Variants in NAV2 observed in about 807,000 individuals in gnomAD.
The protein encoded by NAV2 is helicase, APC down-regulated 1.
NAV2 carries 54 observed loss-of-function variants against 223.2 expected under a neutral mutation model. That is an observed-to-expected ratio of 0.24 (90% CI 0.19 to 0.30). The LOEUF (loss-of-function observed/expected upper bound fraction) is 0.30. NAV2 is among the 10% of genes least tolerant of loss of function. The pLI is 1.00. For missense variants in NAV2, 2,806 were observed against 3,147.5 expected, an observed-to-expected ratio of 0.89 and a Z score of 2.60; for synonymous variants, 1,279 against 1,239.3, an observed-to-expected ratio of 1.03 and a Z score of -0.67.
rs1375390363 is a variant in NAV2 at position 19,802,315 on chromosome 11, C to T, written c.268-30169C>T. ...GGAGGGGTGGGATTGGGCTAGAGGG[C>T]TTGGCTGGCCTCTTCCATTCCCAGA... On this transcript the variant is annotated intron_variant, in intron 1 of 37. Transcript: ENST00000349880. 2.6e-5 allele frequency among the ~76,000 whole-genome samples: 4 copies of T among 152,074 alleles called. No homozygotes were observed. In the East Asian group the frequency reaches 7.7e-4, roughly 29 times the overall value.
At chr11:19,936,722 G>C (rs796897125) in intron 7 of NAV2, among the ~76,000 whole-genome samples, 1 of 152,170 alleles carries the variant, frequency 6.6e-6, no homozygotes, top group Non-Finnish European at 1.5e-5. Context: ...TACAGAGTCC[G>C]CTAAGGGCTT....
At chr11:19,747,261 T>C (rs1448199480) in intron 1 of NAV2, among the ~76,000 whole-genome samples, 1 of 152,082 alleles carries the variant, frequency 6.6e-6, no homozygotes, top group Non-Finnish European at 1.5e-5. Context: ...CCATGGTGTA[T>C]ATGTGCCACA....
intron 1 of NAV2, among the ~76,000 whole-genome samples, chr11:19,496,319 G>A (rs534414601): frequency 8.7e-4 from 133 of 152,236 alleles, no homozygotes; most frequent in Non-Finnish European, 1.8e-3. Context: ...GAATCCAGGA[G>A]CAGCTTAGCT....
chr11:19,471,935 A>G (rs1394121731), intron 1 of NAV2, among the ~76,000 whole-genome samples: 1 of 152,188 alleles, frequency 6.6e-6, no homozygotes, highest in Non-Finnish European at 1.5e-5. Flanking sequence ...TAGGCCTGCC[A>G]GAGTCCCCAA....
intron 1 of NAV2, among the ~76,000 whole-genome samples, chr11:19,816,887 A>T (rs2059118435): frequency 1.3e-5 from 2 of 152,138 alleles, no homozygotes; most frequent in Non-Finnish European, 2.9e-5. Context: ...AAACCAGAGG[A>T]GGCTCCCACC....
intron 11 of NAV2, among the ~76,000 whole-genome samples, chr11:20,021,114 ATCT>A (rs2054470222): frequency 6.6e-6 from 1 of 152,298 alleles, no homozygotes; most frequent in African/African-American, 2.4e-5. Flanking sequence ...GACAAATCAC[ATCT>A]TCTTCTTTAC....
intron 1 of NAV2, among the ~76,000 whole-genome samples, chr11:19,499,704 T>A (rs373875371): frequency 1.1e-4 from 16 of 152,150 alleles, no homozygotes; most frequent in Non-Finnish European, 5.9e-5. Flanking sequence ...GTAAATGTGA[T>A]AATATAAGGT....
At chr11:20,040,115 T>G (rs2056774780) in intron 12 of NAV2, among the ~76,000 whole-genome samples, 1 of 152,176 alleles carries the variant, frequency 6.6e-6, no homozygotes, top group African/African-American at 2.4e-5. Flanking sequence ...TGGCAGGCGA[T>G]GATGTTGATG....
intron 11 of NAV2, among the ~76,000 whole-genome samples, chr11:19,990,846 A>G (rs900920115): frequency 5.3e-5 from 8 of 152,208 alleles, no homozygotes; most frequent in African/African-American, 1.9e-4. Flanking sequence ...TAGACAAAGA[A>G]CAATTCCCAC....
intron 1 of NAV2, among the ~76,000 whole-genome samples, chr11:19,746,772 C>A (rs1202574970): frequency 6.6e-6 from 1 of 151,932 alleles, no homozygotes; most frequent in Non-Finnish European, 1.5e-5. Context: ...GTCCAGGATG[C>A]CCCCTAAAAT....
rs779752840 is a variant in NAV2 at position 19,933,895 on chromosome 11, A to G, written c.1651A>G (p.Ser551Gly). 13 of 1,587,180 alleles carry G rather than the reference A, an allele frequency of 8.2e-6. No homozygotes were observed. The highest frequency in any genetic ancestry group is 2.2e-5 in the East Asian group (1 of 44,752). The change falls in exon 7 of 38, where the codon AGT becomes GGT. Residue 551 changes from serine to glycine, a missense_variant. Physicochemically the swap from Ser to Gly is moderately conservative, Grantham distance 56. Transcript: ENST00000349880. This position sits in a 1 kb window ranked among gnomAD's most constrained non-coding sequence, Gnocchi z 4.3. ...SFIPKGGKLN[S>G]AKKEPMAPSH... ...CATCCCCAAAGGGGGGAAGCTCAACAGTGCCAAGAAGGAGCCCATGGCCCC... is the reference window on the plus strand; with the variant it reads ...CATCCCCAAAGGGGGGAAGCTCAACGGTGCCAAGAAGGAGCCCATGGCCCC...
chr11:19,450,221 G>T (rs1192912317), intron 1 of NAV2, among the ~76,000 whole-genome samples: 1 of 152,150 alleles, frequency 6.6e-6, no homozygotes, highest in African/African-American at 2.4e-5. Context: ...CCTGGGGAGT[G>T]GCTCAACACC....
chr11:19,397,568 T>G (rs1355287233), intron 1 of NAV2, among the ~76,000 whole-genome samples: 1 of 152,210 alleles, frequency 6.6e-6, no homozygotes, highest in Non-Finnish European at 1.5e-5. Flanking sequence ...GTACATCATC[T>G]TTACATTTTA....
In NAV2 at chr11:19,629,542, G is replaced by GACACACACACACAC. The variant is rs10604730; in HGVS notation, c.76-202918_76-202905dup. On this transcript the variant is annotated intron_variant, in intron 1 of 37. Coordinates refer to the NAV2 transcript ENST00000360655. ...TCTTTCTTTTTTTCTCTCTCTCTCT[G>GACACACACACACAC]ACACACACACACACACACACACACA... 1.1e-4 allele frequency among the ~76,000 whole-genome samples: 15 copies of GACACACACACACAC among 134,826 alleles called. 1 individual carries two copies. The highest frequency in any genetic ancestry group is 4.0e-4 in the African/African-American group (15 of 37,352). 88.5% of individuals were successfully genotyped at this position (134,826 alleles called of 152,430 possible). A position where few individuals can be genotyped will look rare whatever the true frequency, so the allele number is the denominator to read the frequency against.
At chr11:19,972,689 C>T (rs1471054170) in intron 10 of NAV2, among the ~76,000 whole-genome samples, 2 of 152,172 alleles carry the variant, frequency 1.3e-5, no homozygotes, top group East Asian at 3.9e-4. Flanking sequence ...GGCTTTCTTT[C>T]TCTAAGGAGC....
rs145349318 is a variant in NAV2 at position 20,045,595 on chromosome 11, C to T, written c.3827C>T (p.Pro1276Leu). The part of the protein sequence containing the change: ...NSVKVNPAAQ[P>L]VSSPAQTSLQ... ...GTGAAAGTGAATCCGGCAGCCCAGCCTGTGTCCAGTCCGGCTCAGACCAGT... is the reference window on the plus strand; with the variant it reads ...GTGAAAGTGAATCCGGCAGCCCAGCTTGTGTCCAGTCCGGCTCAGACCAGT... The change falls in exon 14 of 38, where the codon CCT becomes CTT. Residue 1276 changes from proline to leucine, a missense_variant. By Grantham distance (98) the Pro-to-Leu change is moderately conservative. This residue lies in a region of NAV2 where 742 missense variants were observed against 777.9 expected (regional missense o/e 0.95). Transcript: ENST00000349880. The T allele has an allele frequency of 6.2e-6, 10 of 1,614,210 alleles. No individual in the cohort carries two copies. The East Asian group carries it at 2.0e-4, about 32-fold the overall frequency.
intron 1 of NAV2, among the ~76,000 whole-genome samples, chr11:19,796,256 T>C (rs904947501): frequency 2.0e-5 from 3 of 152,298 alleles, no homozygotes; most frequent in East Asian, 1.9e-4. Flanking sequence ...TGCTCAGCTA[T>C]AGTAGTTTGG....
intron 1 of NAV2, among the ~76,000 whole-genome samples, chr11:19,354,592 T>C (rs1853507265): frequency 6.6e-6 from 1 of 152,264 alleles, no homozygotes. Flanking sequence ...TGAATTTCCC[T>C]TTTAATTGAT....
At position 19,998,704 on chromosome 11, in the gene NAV2, T is replaced by C. The variant is rs1401202722; in HGVS notation, c.2768+14457T>C. Among the ~76,000 whole-genome samples the C allele has an allele frequency of 1.3e-5, 2 of 151,798 alleles. No homozygotes were observed. The highest frequency in any genetic ancestry group is 2.4e-5 in the African/African-American group (1 of 41,344). On this transcript the variant is annotated intron_variant, in intron 11 of 37. Transcript: ENST00000349880. The surrounding 1 kb of genome is among the most constrained non-coding windows in gnomAD (Gnocchi z 5.0). ...CTGTCCCCTCTGCATAGACTGTGCT[T>C]CCCCCCCTCTCTCCTTTTCTCCTTA...
Sources: allele counts gnomAD v4.1 joint callset (sites outside exome capture counted in the v4.1 genomes callset), GRCh38; gene constraint gnomAD v4.1.1; regional missense constraint gnomAD v4.1.1; non-coding constraint Gnocchi (gnomAD v3.1); transcripts MANE v1.5; gene names NCBI Gene and HGNC (gene_info 2026-07-23, HGNC 2026-07-21).